AQR: variants seen among roughly 807,000 people sequenced by gnomAD.
AQR encodes aquarius intron-binding spliceosomal factor, also known as RNA helicase aquarius.
Under a neutral mutation model 180.5 loss-of-function variants are expected in AQR, and 61 were observed. That is an observed-to-expected ratio of 0.34 (90% CI 0.28 to 0.42). AQR has a LOEUF of 0.42. Among genes scored for constraint, AQR ranks in the 10% least tolerant of loss-of-function variants. AQR has a pLI of 1.00. For synonymous variants in AQR, 551 were observed against 588.8 expected, an observed-to-expected ratio of 0.94 and a Z score of 0.93; for missense variants, 1,281 against 1,798.3, an observed-to-expected ratio of 0.71 and a Z score of 5.20.
At chr15:34,896,158 G>T (rs868411781) in intron 22 of AQR, among the ~76,000 whole-genome samples, 1 of 152,088 alleles carries the variant, frequency 6.6e-6, no homozygotes, top group Non-Finnish European at 1.5e-5. Context: ...AAGCATTTTC[G>T]GCTTTGCAGG....
intron 27 of AQR, among the ~76,000 whole-genome samples, chr15:34,881,870 A>G (rs967703423): frequency 6.6e-6 from 1 of 152,178 alleles, no homozygotes; most frequent in Non-Finnish European, 1.5e-5. Context: ...CAGGGGCACA[A>G]TCTCGGCTCA....
At chr15:34,895,202 A>ATATATATATG (rs1566984234) in intron 22 of AQR, among the ~76,000 whole-genome samples, 1 of 87,592 alleles carries the variant, frequency 1.1e-5, no homozygotes, top group Non-Finnish European at 2.4e-5. Context: ...ATATATATAT[A>ATATATATATG]TATATATATA....
intron 20 of AQR, 119 bp from the exon 21 acceptor site, chr15:34,897,824 G>A (rs927085930): frequency 4.6e-6 from 5 of 1,086,908 alleles, no homozygotes; most frequent in Non-Finnish European, 6.6e-6. Flanking sequence ...CTGGCTTAAA[G>A]GAACGATATC....
intron 30 of AQR, among the ~76,000 whole-genome samples, chr15:34,873,076 T>A (rs77913409): frequency 0.013 from 2,051 of 152,190 alleles, 49 homozygotes; most frequent in African/African-American, 0.047. Context: ...TTATCATTCT[T>A]AGTGGCTATC....
intron 2 of AQR, among the ~76,000 whole-genome samples, chr15:34,962,385 G>A (rs2050284747): frequency 6.6e-6 from 1 of 152,134 alleles, no homozygotes; most frequent in Non-Finnish European, 1.5e-5. Context: ...GGTAAAGGGA[G>A]GGAGGCGATA....
rs1363200947 is a variant in AQR at position 34,865,188 on chromosome 15, G to C, written c.3855-2147C>G. On this transcript the variant is annotated intron_variant, in intron 32 of 34. Coordinates refer to ENST00000156471, the MANE Select transcript of AQR (RefSeq NM_014691.3). ...AGGAAAAGCACTGTTAAACAACAAC[G>C]CCAACACTCTGATAGAACCCCTATG... 3.9e-5 allele frequency among the ~76,000 whole-genome samples: 6 copies of C among 152,186 alleles called. No homozygotes were observed. The South Asian group carries it at 1.2e-3, about 32-fold the overall frequency.
intron 3 of AQR, among the ~76,000 whole-genome samples, chr15:34,955,117 C>T (rs779317897): frequency 2.6e-5 from 4 of 151,928 alleles, no homozygotes; most frequent in African/African-American, 9.7e-5. Flanking sequence ...AGTGAGTCTC[C>T]GTCTCAAAAT....
At chr15:34,960,691 G>T in intron 3 of AQR, 83 bp downstream of exon 3, 1 of 631,788 alleles carries the variant, frequency 1.6e-6, no homozygotes, top group Non-Finnish European at 2.7e-6. Context: ...AAGGGTTCAA[G>T]TTATGATCAC....
At chr15:34,925,919 G>A (rs140245021) in intron 13 of AQR, among the ~76,000 whole-genome samples, 2,774 of 151,898 alleles carry the variant, frequency 0.018, 76 homozygotes, top group African/African-American at 0.058. Flanking sequence ...CTGTAATCCC[G>A]GCACTTTGAG....
At chr15:34,900,141 C>T (rs1893308965) in intron 20 of AQR, among the ~76,000 whole-genome samples, 1 of 152,138 alleles carries the variant, frequency 6.6e-6, no homozygotes, top group East Asian at 1.9e-4. Flanking sequence ...AGTCCTCCCG[C>T]CTTAGCCTCT....
intron 22 of AQR, 76 bp downstream of exon 22, chr15:34,896,821 C>T: frequency 1.5e-6 from 2 of 1,336,390 alleles, no homozygotes; most frequent in Non-Finnish European, 1.1e-6. Flanking sequence ...TGCACTCCGG[C>T]ATGGGCAACA....
At chr15:34,957,919 CAT>C (rs1258844109) in intron 3 of AQR, among the ~76,000 whole-genome samples, 1 of 151,674 alleles carries the variant, frequency 6.6e-6, no homozygotes, top group Admixed American at 6.6e-5. Flanking sequence ...CTAAGAATAA[CAT>C]AGCGGTGGCC....
At chr15:34,915,381 A>G (rs1159388715) in intron 15 of AQR, among the ~76,000 whole-genome samples, 3 of 151,648 alleles carry the variant, frequency 2.0e-5, no homozygotes, top group East Asian at 2.0e-4. Context: ...TAGTAGAGAC[A>G]GGGTTTCACT....
chr15:34,878,637 C>T (rs1206039855), intron 27 of AQR, among the ~76,000 whole-genome samples: 2 of 151,998 alleles, frequency 1.3e-5, no homozygotes, highest in African/African-American at 4.8e-5. Flanking sequence ...TTTCCTTTTA[C>T]AATTTCTACA....
intron 30 of AQR, among the ~76,000 whole-genome samples, chr15:34,873,147 G>A (rs1056484120): frequency 2.6e-5 from 4 of 151,840 alleles, no homozygotes; most frequent in Non-Finnish European, 5.9e-5. Context: ...CAGATATTTG[G>A]GTTGTTTCTC....
intron 17 of AQR, among the ~76,000 whole-genome samples, chr15:34,907,219 C>T (rs1455350453): frequency 6.6e-6 from 1 of 152,130 alleles, no homozygotes; most frequent in African/African-American, 2.4e-5. Flanking sequence ...CAGGTATGAT[C>T]TTGAGAAAGA....
At chr15:34,877,330 G>T (rs1892901582) in intron 27 of AQR, among the ~76,000 whole-genome samples, 1 of 152,118 alleles carries the variant, frequency 6.6e-6, no homozygotes, top group East Asian at 1.9e-4. Context: ...TGTTTTTAAA[G>T]ATTTCTCCCA....
chr15:34,885,055 G>A (rs1461156325), intron 25 of AQR, among the ~76,000 whole-genome samples: 3 of 152,124 alleles, frequency 2.0e-5, no homozygotes, highest in African/African-American at 4.8e-5. Context: ...TATTATTAAC[G>A]CTTAAAAGAA....
chr15:34,868,209 T>C (rs964567997), intron 31 of AQR: 1 of 152,500 alleles, frequency 6.6e-6, no homozygotes, highest in African/African-American at 2.4e-5. Context: ...CGCGTGCCTG[T>C]AGTTCCAGCT....
Sources: gnomAD v4.1 joint callset for allele counts (sites outside exome capture counted in the v4.1 genomes callset) on GRCh38, gnomAD v4.1.1 for gene constraint, MANE v1.5 for transcripts, NCBI Gene and HGNC (gene_info 2026-07-23, HGNC 2026-07-21) for gene names.